NDNF: variants seen among roughly 807,000 people sequenced by gnomAD.
NDNF encodes the protein protein NDNF.
Under a neutral mutation model 42.0 loss-of-function variants are expected in NDNF, and 16 were observed. The observed-to-expected ratio is 0.38, with a 90% CI of 0.26 to 0.58. The LOEUF (loss-of-function observed/expected upper bound fraction) is 0.58, where lower values mean the gene tolerates loss of function less well. Ranked by LOEUF, NDNF falls within the 20% of genes least tolerant of loss-of-function variation. The pLI is 0.67. For missense variants in NDNF, 616 were observed against 666.2 expected, an observed-to-expected ratio of 0.92 and a Z score of 0.83; for synonymous variants, 248 against 251.7, an observed-to-expected ratio of 0.99 and a Z score of 0.14.
At chr4:121,045,604 A>T in intron 2 of NDNF, 46 bp downstream of exon 2, 1 of 1,529,804 alleles carries the variant, frequency 6.5e-7, no homozygotes. Flanking sequence ...TTTTGGAGGC[A>T]TCCTTTGTGA....
chr4:121,058,083 T>G (rs779538989), intron 1 of NDNF, among the ~76,000 whole-genome samples: 1 of 152,218 alleles, frequency 6.6e-6, no homozygotes, highest in Non-Finnish European at 1.5e-5. Context: ...TAACACAAGT[T>G]TATGAACAAA....
intron 2 of NDNF, among the ~76,000 whole-genome samples, chr4:121,045,114 C>T (rs533198443): frequency 7.2e-4 from 110 of 152,256 alleles, no homozygotes; most frequent in Middle Eastern, 3.4e-3. Flanking sequence ...GCATTTTGGG[C>T]GGCCAAAGAG....
At chr4:121,046,676 C>T (rs892436752) in intron 1 of NDNF, among the ~76,000 whole-genome samples, 28 of 152,206 alleles carry the variant, frequency 1.8e-4, no homozygotes, top group African/African-American at 6.5e-4. Flanking sequence ...TTTGTCTTAA[C>T]CTCCAGCAGA....
intron 1 of NDNF, among the ~76,000 whole-genome samples, chr4:121,054,723 T>C (rs1451196151): frequency 6.6e-6 from 1 of 152,208 alleles, no homozygotes; most frequent in Non-Finnish European, 1.5e-5. Context: ...GACATCACTG[T>C]GGAACACAGT....
At chr4:121,058,588 T>C (rs945323285) in intron 1 of NDNF, among the ~76,000 whole-genome samples, 4 of 152,092 alleles carry the variant, frequency 2.6e-5, no homozygotes, top group Non-Finnish European at 5.9e-5. Flanking sequence ...TGCATGAAAA[T>C]CAGGACATGC....
In NDNF at chr4:121,039,865, T is replaced by C. The variant is rs1437512689; in HGVS notation, c.313+65A>G. 7.7e-6 allele frequency: 12 copies of C among 1,549,642 alleles called. 1 individual carries two copies. In the South Asian group the frequency reaches 8.5e-5, roughly 11 times the overall value. The stretch of plus-strand genomic sequence containing the variant: ...TTTCTTACTAACACATAGAAGGTTG[T>C]ATGTTTCACAAGCATTAAAACCATC... On this transcript the variant is annotated intron_variant, in intron 3 of 3. Transcript: ENST00000379692.
intron 1 of NDNF, among the ~76,000 whole-genome samples, chr4:121,065,752 T>C (rs1411779469): frequency 6.6e-6 from 1 of 151,718 alleles, no homozygotes; most frequent in African/African-American, 2.4e-5. Flanking sequence ...ATATTTTACA[T>C]ATGTTTTATA....
At chr4:121,041,795 G>A (rs1232434861) in intron 2 of NDNF, among the ~76,000 whole-genome samples, 2 of 152,162 alleles carry the variant, frequency 1.3e-5, no homozygotes, top group African/African-American at 4.8e-5. Context: ...CTTTACATGT[G>A]AGTTGGGGCA....
At position 121,037,487 on chromosome 4, in the gene NDNF, A is replaced by C. The variant is rs1217327138; in HGVS notation, c.484T>G (p.Tyr162Asp). Residue 162 changes from tyrosine to aspartate, a missense_variant, in exon 4 of 4, where the codon TAT (tyrosine) becomes GAT (aspartate). By Grantham distance (160) the Tyr-to-Asp change is radical. Transcript: ENST00000379692. Reference protein sequence around the residue: ...STEKDTHFKVYATTTPESDQP... With the variant: ...STEKDTHFKVDATTTPESDQP... ...TCAGATTCTGGAGTTGTGGTGGCATATACTTTGAAATGTGTGTCTTTCTCT... is the reference window on the plus strand; with the variant it reads ...TCAGATTCTGGAGTTGTGGTGGCATCTACTTTGAAATGTGTGTCTTTCTCT... 1 of 1,614,178 alleles carries C rather than the reference A, an allele frequency of 6.2e-7. No homozygotes were observed. The highest frequency in any genetic ancestry group is 1.1e-5 in the South Asian group (1 of 91,084).
At chr4:121,063,734 C>T (rs1299734359) in intron 1 of NDNF, among the ~76,000 whole-genome samples, 1 of 151,978 alleles carries the variant, frequency 6.6e-6, no homozygotes, top group Non-Finnish European at 1.5e-5. Flanking sequence ...AGAACCTGCG[C>T]GTGTTCAGAG....
At chr4:121,043,870 C>A (rs1280104598) in intron 2 of NDNF, among the ~76,000 whole-genome samples, 1 of 152,188 alleles carries the variant, frequency 6.6e-6, no homozygotes. Context: ...ATGTGCCCAG[C>A]AAGAACTCAG....
Position 121,037,418 on chromosome 4 carries a change from T to C in NDNF, c.553A>G (p.Thr185Ala). 6.2e-7 allele frequency: 1 copy of C among 1,614,122 alleles called. No individual in the cohort carries two copies. Among genetic ancestry groups the C allele is most frequent in the South Asian group, 1.1e-5 (1 of 91,082 alleles). ...ELPYDPRVDVTSLGRTTVTLA... is the reference protein window; with the variant it reads ...ELPYDPRVDVASLGRTTVTLA... ...GTGACCGTGGTGCGCCCCAGTGAGG[T>C]CACATCTACTCTTGGGTCATAGGGT... is the stretch of plus-strand genomic sequence containing the variant. The change falls in exon 4 of 4, where the codon ACC becomes GCC. Residue 185 changes from threonine to alanine, a missense_variant. By Grantham distance (58) the Thr-to-Ala change is moderately conservative. Coordinates refer to ENST00000379692, the MANE Select transcript of NDNF (RefSeq NM_024574.4).
chr4:121,052,823 T>C (rs186606596), intron 1 of NDNF, among the ~76,000 whole-genome samples: 104 of 152,342 alleles, frequency 6.8e-4, no homozygotes, highest in African/African-American at 2.3e-3. Flanking sequence ...AATGAAAATG[T>C]CTGAAGTTAG....
intron 1 of NDNF, among the ~76,000 whole-genome samples, chr4:121,064,891 G>T (rs1511097): frequency 0.17 from 25,738 of 151,990 alleles, 3,852 homozygotes; most frequent in African/African-American, 0.4. Context: ...AATTTCAGGG[G>T]TGTTTTATAA....
intron 1 of NDNF, among the ~76,000 whole-genome samples, chr4:121,053,315 C>T (rs1354466259): frequency 6.6e-6 from 1 of 152,144 alleles, no homozygotes; most frequent in African/African-American, 2.4e-5. Context: ...TTCTGTCATG[C>T]GCTCCCTCTG....
At chr4:121,062,950 T>G (rs1727439128) in intron 1 of NDNF, among the ~76,000 whole-genome samples, 1 of 152,202 alleles carries the variant, frequency 6.6e-6, no homozygotes, top group Admixed American at 6.5e-5. Context: ...TATAAATACT[T>G]TCATTATCTG....
chr4:121,070,494 T>TGGGAGGAG (rs1376132764), intron 1 of NDNF, among the ~76,000 whole-genome samples: 1 of 149,522 alleles, frequency 6.7e-6, no homozygotes, highest in African/African-American at 2.5e-5. Context: ...AGGGACCGGG[T>TGGGAGGAG]GGGAGGAGGA....
intron 1 of NDNF, among the ~76,000 whole-genome samples, chr4:121,070,385 C>G (rs181170452): frequency 5.3e-5 from 8 of 152,192 alleles, no homozygotes; most frequent in Non-Finnish European, 1.2e-4. Flanking sequence ...CTCTACTTCT[C>G]CGAACCCAGG....
intron 1 of NDNF, among the ~76,000 whole-genome samples, chr4:121,046,971 A>G (rs1183617260): frequency 3.9e-5 from 6 of 152,222 alleles, no homozygotes; most frequent in Non-Finnish European, 8.8e-5. Context: ...TTGACTTAAC[A>G]TACATCAGGG....
Sources: gnomAD v4.1 joint callset for allele counts (sites outside exome capture counted in the v4.1 genomes callset) on GRCh38, gnomAD v4.1.1 for gene constraint, MANE v1.5 for transcripts, NCBI Gene and HGNC (gene_info 2026-07-23, HGNC 2026-07-21) for gene names.